The following ANK2 variants were observed in gnomAD, a reference collection of about 807,000 sequenced individuals.
The protein encoded by ANK2 is ankyrin 2.
A neutral mutation model predicts 360.5 loss-of-function variants in ANK2; 83 were observed. The observed-to-expected ratio is 0.23, with a 90% CI of 0.19 to 0.28. The LOEUF (loss-of-function observed/expected upper bound fraction) is 0.28. ANK2 is among the 10% of genes least tolerant of loss of function. ANK2 has a pLI of 1.00. For missense variants in ANK2, 4,201 were observed against 4,795.7 expected, an observed-to-expected ratio of 0.88 and a Z score of 3.66; for synonymous variants, 1,740 against 1,759.5, an observed-to-expected ratio of 0.99 and a Z score of 0.28.
At chr4:112,761,124 A>G in the ANK2 span, among the ~76,000 whole-genome samples, 2 of 151,506 alleles carry the variant, frequency 1.3e-5, no homozygotes, top group Non-Finnish European at 2.9e-5. Flanking sequence ...CCTTCTTTAT[A>G]AAGTAAACAC....
At chr4:112,721,137 A>C in the ANK2 span, among the ~76,000 whole-genome samples, 1 of 152,178 alleles carries the variant, frequency 6.6e-6, no homozygotes, top group Non-Finnish European at 1.5e-5. Flanking sequence ...AGGATGCTGA[A>C]GAAGGGGAGG....
rs747981056 is a variant in ANK2 at position 113,258,186 on chromosome 4, C to G, written c.1287+38C>G. The G allele has an allele frequency of 5.7e-6, 9 of 1,581,466 alleles. No homozygotes were observed. In the African/African-American group the frequency reaches 1.2e-4, roughly 21 times the overall value. ...TTTAGCTAGTCACAAAGCATTCCTT[C>G]TCTTACTCCTTCCTCCCTTTCCTTT... is the stretch of plus-strand genomic sequence containing the variant. On this transcript the variant is annotated intron_variant, in intron 12 of 45. Coordinates refer to ENST00000357077, the MANE Select transcript of ANK2 (RefSeq NM_001148.6).
chr4:112,736,631 CAG>C, the ANK2 span, among the ~76,000 whole-genome samples: 9 of 152,172 alleles, frequency 5.9e-5, no homozygotes, highest in Admixed American at 5.9e-4. Flanking sequence ...ATCTGCCACT[CAG>C]GGAAGAGATT....
intron 2 of ANK2, among the ~76,000 whole-genome samples, chr4:112,950,464 G>A (rs1403286248): frequency 6.6e-6 from 1 of 151,418 alleles, no homozygotes; most frequent in African/African-American, 2.4e-5. Flanking sequence ...CTAACACAGT[G>A]AAACCCTGTC....
intron 4 of ANK2, among the ~76,000 whole-genome samples, chr4:113,208,695 G>A (rs547072143): frequency 1.3e-4 from 20 of 151,850 alleles, no homozygotes; most frequent in African/African-American, 4.9e-4. Context: ...TAGAGACAGG[G>A]TCTTGCTATC....
At chr4:113,180,597 C>G (rs1404788797) in intron 2 of ANK2, among the ~76,000 whole-genome samples, 2 of 152,148 alleles carry the variant, frequency 1.3e-5, no homozygotes, top group African/African-American at 2.4e-5. Flanking sequence ...TTGCATTAAA[C>G]TGAAATATTT....
At position 113,160,234 on chromosome 4, in the gene ANK2, A is replaced by G. The variant is rs144823619; in HGVS notation, c.85-14182A>G. 1.4e-3 allele frequency: 372 copies of G among 274,094 alleles called. 2 individuals are homozygous for G. Among genetic ancestry groups the G allele is most frequent in the African/African-American group, 8.2e-3 (355 of 43,422 alleles). 17.0% of individuals were successfully genotyped at this position (274,094 alleles called of 1,614,324 possible). A position where few individuals can be genotyped will look rare whatever the true frequency, so the allele number is the denominator to read the frequency against. ...TGATAGAATTATAAAGGAAACTTAA[A>G]AAAATTAATAAATAGAGACAGGGTC... On this transcript the variant is annotated intron_variant, in intron 1 of 45. Transcript: ENST00000357077.
At chr4:113,153,516 G>A (rs936642530) in intron 1 of ANK2, among the ~76,000 whole-genome samples, 11 of 152,122 alleles carry the variant, frequency 7.2e-5, no homozygotes, top group African/African-American at 2.7e-4. Flanking sequence ...TTTTATATTA[G>A]TAAGGTATAT....
At chr4:113,206,237 C>T (rs940689813) in intron 4 of ANK2, among the ~76,000 whole-genome samples, 3 of 152,096 alleles carry the variant, frequency 2.0e-5, no homozygotes, top group African/African-American at 7.2e-5. Context: ...TTTCCTGATG[C>T]TCTCTCTCCC....
chr4:112,901,987 G>C (rs1026976268), intron 1 of ANK2, among the ~76,000 whole-genome samples: 1 of 152,162 alleles, frequency 6.6e-6, no homozygotes, highest in African/African-American at 2.4e-5. Flanking sequence ...AGGCAGCCAG[G>C]AAAGTGCATT....
intron 2 of ANK2, among the ~76,000 whole-genome samples, chr4:113,000,664 G>T (rs1227109258): frequency 1.3e-5 from 2 of 152,190 alleles, no homozygotes; most frequent in East Asian, 3.8e-4. Context: ...GGTAGATAGA[G>T]TTCAGTGTTG....
At chr4:113,231,917 G>A (rs529696767) in intron 4 of ANK2, among the ~76,000 whole-genome samples, 2 of 152,114 alleles carry the variant, frequency 1.3e-5, no homozygotes, top group Non-Finnish European at 2.9e-5. Flanking sequence ...TATCTTTTAC[G>A]CAGTGTTAGC....
At chr4:113,109,483 A>G (rs17626050) in intron 1 of ANK2, among the ~76,000 whole-genome samples, 16,980 of 152,032 alleles carry the variant, frequency 0.11, 1,263 homozygotes, top group South Asian at 0.17. Flanking sequence ...TTCTGCTCTT[A>G]CCCTTAGAGT....
intron 1 of ANK2, among the ~76,000 whole-genome samples, chr4:113,108,230 C>T (rs771245332): frequency 2.6e-5 from 4 of 152,246 alleles, no homozygotes; most frequent in African/African-American, 7.2e-5. Flanking sequence ...ACTTGCAAAA[C>T]AATCTGATTG....
At chr4:113,296,328 C>T (rs1371477576) in intron 22 of ANK2, among the ~76,000 whole-genome samples, 2 of 152,092 alleles carry the variant, frequency 1.3e-5, no homozygotes, top group Non-Finnish European at 2.9e-5. Flanking sequence ...GATGATAGCA[C>T]AATAGACAAC....
Position 113,365,189 on chromosome 4 carries a change from CTGTG to C in ANK2, c.11032+15_11032+18del. On this transcript the variant is annotated splice_region_variant and intron_variant, in intron 41 of 45. Transcript: ENST00000357077. Reference sequence around the variant, plus strand: ...ACACTGGATCATAGTGAAGGTCAAACTGTGTGTGTGTATGTGTGTGTGTGTGTGT... The same window carrying C: ...ACACTGGATCATAGTGAAGGTCAAACTGTGTGTATGTGTGTGTGTGTGTGT... 6.4e-7 allele frequency: 1 copy of C among 1,562,316 alleles called. No individual in the cohort carries two copies. Among genetic ancestry groups the C allele is most frequent in the Non-Finnish European group, 8.7e-7 (1 of 1,154,336 alleles).
chr4:113,184,276 G>C (rs1292740456), intron 2 of ANK2, among the ~76,000 whole-genome samples: 1 of 151,822 alleles, frequency 6.6e-6, no homozygotes, highest in African/African-American at 2.4e-5. Context: ...TACAGAAGTG[G>C]AGAGGGATAA....
At chr4:113,210,759 G>A (rs2153451289) in intron 4 of ANK2, among the ~76,000 whole-genome samples, 1 of 152,278 alleles carries the variant, frequency 6.6e-6, no homozygotes, top group Middle Eastern at 3.4e-3. Flanking sequence ...TACGTTAGTT[G>A]CTGTTGTTAT....
At chr4:113,308,231 T>TC (rs1368352456) in intron 23 of ANK2, among the ~76,000 whole-genome samples, 2 of 152,172 alleles carry the variant, frequency 1.3e-5, no homozygotes, top group African/African-American at 4.8e-5. Context: ...TCATCTTTTC[T>TC]CCCCCCTTGG....
Sources: gnomAD v4.1 joint callset for allele counts (sites outside exome capture counted in the v4.1 genomes callset) on GRCh38, gnomAD v4.1.1 for gene constraint, MANE v1.5 for transcripts, NCBI Gene and HGNC (gene_info 2026-07-23, HGNC 2026-07-21) for gene names.